The following UBE3B variants were observed in gnomAD, a reference collection of about 807,000 sequenced individuals.
The protein encoded by UBE3B is ubiquitin-protein ligase E3B.
In UBE3B, 80 loss-of-function variants were observed where a neutral mutation model predicts 132.3. The ratio of observed to expected loss-of-function variants is 0.60; its 90% confidence interval spans 0.50 to 0.73. The LOEUF (loss-of-function observed/expected upper bound fraction) is 0.73, where lower values mean the gene tolerates loss of function less well. Ranked by LOEUF, UBE3B falls within the 30% of genes least tolerant of loss-of-function variation. The probability of loss-of-function intolerance (pLI) is 0.00; values close to 1 mark genes in which losing one functional copy is unlikely to be tolerated. For synonymous variants in UBE3B, 487 were observed against 520.4 expected (o/e 0.94, Z 0.87); for missense variants, 1,196 against 1,362.5 (o/e 0.88, Z 1.92).
At chr12:109,507,331 C>T (rs1879813518) in intron 14 of UBE3B, among the ~76,000 whole-genome samples, 1 of 152,256 alleles carries the variant, frequency 6.6e-6, no homozygotes, top group East Asian at 1.9e-4. Context: ...GCAAACAATA[C>T]ATACGGAGTG....
intron 26 of UBE3B, 35 bp downstream of exon 26, chr12:109,530,693 A>G (rs2136128715): frequency 1.9e-6 from 3 of 1,575,560 alleles, no homozygotes; most frequent in Non-Finnish European, 1.7e-6. Context: ...GCATGCATGT[A>G]TTCTCATAAA....
chr12:109,507,650 G>C lies in UBE3B; in HGVS notation c.1537G>C (p.Glu513Gln). Residue 513 changes from glutamate to glutamine, a missense_variant, in exon 15 of 28, where the codon GAA becomes CAA. Coordinates refer to ENST00000342494, the MANE Select transcript of UBE3B (RefSeq NM_130466.4). ...GPHGGLKLFL[E>Q]CLNNDTEESK... The stretch of plus-strand genomic sequence containing the variant: ...CCACGGAGGGTTAAAGCTCTTCTTG[G>C]AATGCCTGAACAATGACACTGAAGA... 1 of 1,614,120 alleles carries C rather than the reference G, an allele frequency of 6.2e-7. No homozygotes were observed.
chr12:109,543,692 G>T, the UBE3B span, among the ~76,000 whole-genome samples: 1 of 152,200 alleles, frequency 6.6e-6, no homozygotes, highest in South Asian at 2.1e-4. Flanking sequence ...AATTAGCCCG[G>T]CATGGTGGCA....
At chr12:109,530,948 T>C (rs1464031742) in intron 26 of UBE3B, among the ~76,000 whole-genome samples, 2 of 152,224 alleles carry the variant, frequency 1.3e-5, no homozygotes, top group African/African-American at 4.8e-5. Context: ...TATGCTGGCC[T>C]TGATAACATC....
At chr12:109,515,783 G>A (rs894699527) in intron 18 of UBE3B, among the ~76,000 whole-genome samples, 1 of 152,184 alleles carries the variant, frequency 6.6e-6, no homozygotes, top group African/African-American at 2.4e-5. Flanking sequence ...GATTTAAATG[G>A]TATTAGGGTG....
intron 13 of UBE3B, among the ~76,000 whole-genome samples, chr12:109,501,758 T>G (rs2135928175): frequency 2.0e-5 from 3 of 152,188 alleles, no homozygotes; most frequent in African/African-American, 7.2e-5. Context: ...CAGGTGATCC[T>G]CCCACGTCAG....
chr12:109,518,015 TA>T, intron 19 of UBE3B: 2 of 409,272 alleles, frequency 4.9e-6, no homozygotes, highest in Admixed American at 2.5e-5. Context: ...TTCTTCAAGG[TA>T]GGCATAAGGA....
chr12:109,535,126 A>T lies in UBE3B; in HGVS notation c.*344A>T, dbSNP rs1883317808. On this transcript the variant is annotated 3_prime_UTR_variant, in exon 28 of 28. Coordinates refer to ENST00000342494, the MANE Select transcript of UBE3B (RefSeq NM_130466.4). ...AGCCGTCTGAGTGAGCTGTGTATGA[A>T]CAAGTCCCAGGAGTTCCAAGAGTCT... The T allele has an allele frequency of 4.9e-6, 1 of 203,074 alleles. No homozygotes were observed. Among genetic ancestry groups the T allele is most frequent in the Admixed American group, 5.9e-5 (1 of 16,956 alleles). 12.6% of individuals were successfully genotyped at this position (203,074 alleles called of 1,614,324 possible). A position where few individuals can be genotyped will look rare whatever the true frequency, so the allele number is the denominator to read the frequency against.
At chr12:109,510,815 G>A (rs1472124728) in intron 17 of UBE3B, among the ~76,000 whole-genome samples, 3 of 152,184 alleles carry the variant, frequency 2.0e-5, no homozygotes. Flanking sequence ...ACTGCTTTTA[G>A]GTTTTTTGGA....
chr12:109,512,257 C>T (rs1207268394), intron 18 of UBE3B, among the ~76,000 whole-genome samples: 1 of 152,056 alleles, frequency 6.6e-6, no homozygotes, highest in Non-Finnish European at 1.5e-5. Flanking sequence ...ATAACCTGGG[C>T]GAGGTGGTTG....
intron 21 of UBE3B, among the ~76,000 whole-genome samples, 155 bp from the exon 22 acceptor site, chr12:109,523,823 G>A (rs1881985385): frequency 6.6e-6 from 1 of 152,224 alleles, no homozygotes; most frequent in South Asian, 2.1e-4. Flanking sequence ...ATTTGGTAGA[G>A]GATGGGGAGA....
intron 2 of UBE3B, among the ~76,000 whole-genome samples, chr12:109,482,410 T>C (rs1875633160): frequency 6.6e-6 from 1 of 152,240 alleles, no homozygotes; most frequent in African/African-American, 2.4e-5. Flanking sequence ...CTCCCACTTC[T>C]AAGTGAGGTC....
intron 12 of UBE3B, among the ~76,000 whole-genome samples, chr12:109,500,682 C>G (rs1028889429): frequency 2.0e-5 from 3 of 152,226 alleles, no homozygotes; most frequent in African/African-American, 7.2e-5. Context: ...GCTCCACTTC[C>G]TCTTCTTGGA....
chr12:109,528,689 A>T (rs960469655), intron 24 of UBE3B, among the ~76,000 whole-genome samples: 10 of 152,156 alleles, frequency 6.6e-5, no homozygotes, highest in Non-Finnish European at 1.5e-4. Context: ...CTCCGTCTCT[A>T]CTAAAAATAC....
chr12:109,541,565 G>C (rs1404073310), downstream of UBE3B, among the ~76,000 whole-genome samples: 1 of 152,188 alleles, frequency 6.6e-6, no homozygotes, highest in Admixed American at 6.5e-5. Context: ...TGGAGTATTG[G>C]GTCAGAAGGT....
At chr12:109,504,373 T>C (rs1879384736) in intron 14 of UBE3B, among the ~76,000 whole-genome samples, 1 of 152,152 alleles carries the variant, frequency 6.6e-6, no homozygotes. Context: ...TTAGTAGCAA[T>C]GGAGATTAAG....
At chr12:109,539,748 A>G (rs1883570297), downstream of UBE3B, among the ~76,000 whole-genome samples, 1 of 152,112 alleles carries the variant, frequency 6.6e-6, no homozygotes, top group Non-Finnish European at 1.5e-5. Flanking sequence ...TGACGTTAAC[A>G]GGACATCCCG....
Position 109,491,139 on chromosome 12 carries a change from A to G in UBE3B, c.713+12A>G. 1.2e-6 allele frequency: 2 copies of G among 1,613,034 alleles called. No individual in the cohort carries two copies. The highest frequency in any genetic ancestry group is 3.3e-5 in the Admixed American group (2 of 59,942). On this transcript the variant is annotated intron_variant, in intron 9 of 27. Transcript: ENST00000342494. ...TCTCTAGCGTTACGGTGAGTAAGAA[A>G]CCATAGCTGAGGTGTTGGCATGTTC...
intron 14 of UBE3B, 32 bp downstream of exon 14, chr12:109,503,222 C>G: frequency 1.9e-6 from 3 of 1,600,458 alleles, no homozygotes; most frequent in Non-Finnish European, 2.6e-6. Context: ...TTCTTCACCT[C>G]TCACATTTGG....
Sources: allele counts gnomAD v4.1 joint callset (sites outside exome capture counted in the v4.1 genomes callset), GRCh38; gene constraint gnomAD v4.1.1; transcripts MANE v1.5; gene names NCBI Gene and HGNC (gene_info 2026-07-23, HGNC 2026-07-21).